The following MISP variants were observed in gnomAD, a reference collection of about 807,000 sequenced individuals.
The protein encoded by MISP is mitotic spindle positioning.
MISP carries 51 observed loss-of-function variants against 49.3 expected under a neutral mutation model. The observed-to-expected ratio is 1.03, with a 90% CI of 0.83 to 1.31. The LOEUF (loss-of-function observed/expected upper bound fraction) is 1.31. MISP is among the 50% of genes most tolerant of loss of function. The probability of loss-of-function intolerance (pLI) is 0.00; values close to 1 mark genes in which losing one functional copy is unlikely to be tolerated. For missense variants in MISP, 1,084 were observed against 935.1 expected (o/e 1.16, Z -2.08); for synonymous variants, 444 against 392.6 (o/e 1.13, Z -1.55).
In MISP at chr19:758,170, C is replaced by T. The variant is rs530131211; in HGVS notation, c.1224C>T (p.Ala408=). The part of the protein sequence containing the change: ...ILSPAPDARA[A]DPAPEVRKVN... ...GCCCGGCCCCAGATGCCCGTGCGGCCGACCCAGCTCCAGAAGTGAGGAAGG... is the reference window on the plus strand; with the variant it reads ...GCCCGGCCCCAGATGCCCGTGCGGCTGACCCAGCTCCAGAAGTGAGGAAGG... The change falls in exon 2 of 5, where the codon GCC becomes GCT. Residue 408 remains alanine, a synonymous_variant. Coordinates refer to ENST00000215582, the MANE Select transcript of MISP (RefSeq NM_173481.4). The T allele has an allele frequency of 2.1e-5, 34 of 1,612,554 alleles. No individual in the cohort carries two copies. Among genetic ancestry groups the T allele is most frequent in the African/African-American group, 1.9e-4 (14 of 74,988 alleles).
intron 1 of MISP, 110 bp from the exon 2 acceptor site, chr19:756,780 A>T (rs2033556403): frequency 1.6e-6 from 1 of 621,284 alleles, no homozygotes; most frequent in Non-Finnish European, 2.8e-6. Context: ...CCATCCCTAA[A>T]CCAATCACAA....
Position 763,608 on chromosome 19 carries a change from C to T in MISP, c.*18C>T, listed in dbSNP as rs759642688. 13 of 1,585,212 alleles carry T rather than the reference C, an allele frequency of 8.2e-6. No homozygotes were observed. The highest frequency in any genetic ancestry group is 1.0e-5 in the Non-Finnish European group (12 of 1,156,136). On this transcript the variant is annotated 3_prime_UTR_variant, in exon 5 of 5. Coordinates refer to ENST00000215582, the MANE Select transcript of MISP (RefSeq NM_173481.4). Reference sequence around the variant, plus strand: ...ATGACTGAGCCTCGGGATGGGGCGCCCACCCCCTGCCCTGCCCTGACCCTC... The same window carrying T: ...ATGACTGAGCCTCGGGATGGGGCGCTCACCCCCTGCCCTGCCCTGACCCTC...
Position 763,893 on chromosome 19 carries a change from A to G in MISP, c.*303A>G. On this transcript the variant is annotated 3_prime_UTR_variant, in exon 5 of 5. Transcript: ENST00000215582. ...AATGCCCTGGGTCTAAGAAAGAAAG[A>G]GACCCGCTCCTCCACTTTCAGGTGT... The G allele has an allele frequency of 2.8e-6, 1 of 351,796 alleles. No individual in the cohort carries two copies. 21.8% of individuals were successfully genotyped at this position (351,796 alleles called of 1,614,324 possible).
intron 1 of MISP, among the ~76,000 whole-genome samples, chr19:752,325 G>T (rs1307465684): frequency 6.6e-6 from 1 of 152,026 alleles, no homozygotes; most frequent in Non-Finnish European, 1.5e-5. Context: ...GGATCCAGGG[G>T]TTTTTTTGGC....
At chr19:755,325 CCACGGTGTTCCTTTGCCCATCCTG>C (rs2033532919) in intron 1 of MISP, among the ~76,000 whole-genome samples, 1 of 152,224 alleles carries the variant, frequency 6.6e-6, no homozygotes, top group Admixed American at 6.5e-5. Context: ...GGGACAAGGT[CCACGGTGTTCCTTTGCCCATCCTG>C]GCTTTATGGC....
upstream of MISP, among the ~76,000 whole-genome samples, chr19:749,351 G>A (rs550664828): frequency 4.6e-5 from 7 of 152,326 alleles, 1 homozygote; most frequent in Admixed American, 2.6e-4. Flanking sequence ...TTCCTGAGGC[G>A]CGATTTTAAG....
rs1156403519 is a variant in MISP at position 764,137 on chromosome 19, C to T, written c.*547C>T. The stretch of plus-strand genomic sequence containing the variant: ...CCAGTGCTGGGGGTCCCTGTGCAGC[C>T]CTCAAACCCTTCACCTTGGTGCACC... On this transcript the variant is annotated 3_prime_UTR_variant, in exon 5 of 5. Transcript: ENST00000215582. 1 of 152,944 alleles carries T rather than the reference C, an allele frequency of 6.5e-6. No homozygotes were observed. Among genetic ancestry groups the T allele is most frequent in the Non-Finnish European group, 1.5e-5 (1 of 68,616 alleles). The allele number at this position is 152,944 out of a possible 1,614,324, so 9.5% of individuals were successfully genotyped here. A position where few individuals can be genotyped will look rare whatever the true frequency, so the allele number is the denominator to read the frequency against.
rs375065737 is a variant in MISP at position 760,049 on chromosome 19, G to A, written c.1911+10G>A. On this transcript the variant is annotated intron_variant, in intron 3 of 4. Transcript: ENST00000215582. The stretch of plus-strand genomic sequence containing the variant: ...AAAGAAGGAGCAATGGGTGAGTCTG[G>A]AACCCGTCTCTGCAGAGGCCAGGCT... 1.5e-5 allele frequency: 25 copies of A among 1,613,294 alleles called. No individual in the cohort carries two copies. In the South Asian group the frequency reaches 2.2e-4, roughly 14 times the overall value.
chr19:763,711 C>T lies in MISP; in HGVS notation c.*121C>T. Reference sequence around the variant, plus strand: ...GGTCCAGGATCCAAGAACCACAGCTCATCTGCCAACAATCCCACCATGGGC... The same window carrying T: ...GGTCCAGGATCCAAGAACCACAGCTTATCTGCCAACAATCCCACCATGGGC... On this transcript the variant is annotated 3_prime_UTR_variant, in exon 5 of 5. Coordinates refer to ENST00000215582, the MANE Select transcript of MISP (RefSeq NM_173481.4). 1.5e-6 allele frequency: 1 copy of T among 675,184 alleles called. No individual in the cohort carries two copies. The highest frequency in any genetic ancestry group is 1.7e-5 in the South Asian group (1 of 59,654). 41.8% of individuals were successfully genotyped at this position (675,184 alleles called of 1,614,324 possible).
chr19:763,996 G>A lies in MISP; in HGVS notation c.*406G>A, dbSNP rs1181865144. 6.2e-6 allele frequency: 1 copy of A among 161,014 alleles called. No homozygotes were observed. Among genetic ancestry groups the A allele is most frequent in the Non-Finnish European group, 1.4e-5 (1 of 73,548 alleles). The allele number at this position is 161,014 out of a possible 1,614,324, so 10.0% of individuals were successfully genotyped here. A position where few individuals can be genotyped will look rare whatever the true frequency, so the allele number is the denominator to read the frequency against. ...AGATCGCAGCACCTTGAGGGGCTGC[G>A]GGTCTGAGGGAGGAGACACTCAGCT... is the stretch of plus-strand genomic sequence containing the variant. On this transcript the variant is annotated 3_prime_UTR_variant, in exon 5 of 5. Transcript: ENST00000215582.
chr19:760,730 G>A (rs963448049), intron 3 of MISP, among the ~76,000 whole-genome samples: 17 of 151,650 alleles, frequency 1.1e-4, no homozygotes, highest in African/African-American at 4.1e-4. Flanking sequence ...AGGGATGGAG[G>A]GAAGGAAGGA....
chr19:759,328 CATATATGTTT>C (rs1369407014), intron 2 of MISP, among the ~76,000 whole-genome samples: 5 of 149,442 alleles, frequency 3.3e-5, no homozygotes, highest in African/African-American at 1.2e-4. Context: ...CCGGCCTGTT[CATATATGTTT>C]ATCCTCTTGG....
Position 757,879 on chromosome 19 carries a change from G to C in MISP, c.933G>C (p.Arg311Ser), listed in dbSNP as rs760919840. The change falls in exon 2 of 5, where the codon AGG becomes AGC. Residue 311 changes from arginine (R) to serine (S), a missense_variant. Transcript: ENST00000215582. ...QEREADLREQ[R>S]GLRQATDHQE... ...GTGAGGCAGACCTGCGAGAGCAGAG[G>C]GGGCTTCGGCAGGCAACCGACCACC... The C allele has an allele frequency of 2.5e-6, 4 of 1,608,256 alleles. No homozygotes were observed. The highest frequency in any genetic ancestry group is 3.4e-6 in the Non-Finnish European group (4 of 1,179,754).
chr19:755,918 G>A (rs1444033485), intron 1 of MISP, among the ~76,000 whole-genome samples: 1 of 151,058 alleles, frequency 6.6e-6, no homozygotes, highest in Non-Finnish European at 1.5e-5. Flanking sequence ...GGGCAACAGA[G>A]CGAGACTCCA....
rs150162330 is a variant in MISP at position 754,758 on chromosome 19, G to A, written c.-57-2132G>A. Among the ~76,000 whole-genome samples the A allele has an allele frequency of 2.8e-3, 429 of 152,336 alleles. 8 individuals are homozygous for A. The East Asian group carries it at 0.034, about 12-fold the overall frequency. On this transcript the variant is annotated intron_variant, in intron 1 of 4. Coordinates refer to ENST00000215582, the MANE Select transcript of MISP (RefSeq NM_173481.4). ...GGAGGTGTCCATGGGCTTCAGCAGA[G>A]GAAGCCGTGGAGAAGCAGAAACAGG...
chr19:750,589 G>T (rs538485854), upstream of MISP, among the ~76,000 whole-genome samples: 6 of 152,090 alleles, frequency 3.9e-5, no homozygotes, highest in Non-Finnish European at 7.3e-5. Context: ...CCCACGTCCC[G>T]GAGGAGAAAA....
chr19:752,331 T>C (rs1408130807), intron 1 of MISP, among the ~76,000 whole-genome samples: 3 of 152,080 alleles, frequency 2.0e-5, no homozygotes, highest in Non-Finnish European at 2.9e-5. Flanking sequence ...AGGGGTTTTT[T>C]TGGCCGACAC....
At position 758,444 on chromosome 19, in the gene MISP, C is replaced by T. The variant is rs745340187; in HGVS notation, c.1498C>T (p.Arg500Trp). Residue 500 changes from arginine to tryptophan, a missense_variant, in exon 2 of 5, where the codon CGG becomes TGG. Arg to Trp is a moderately radical substitution (Grantham distance 101, BLOSUM62 -3). Transcript: ENST00000215582. ...GCPQANRGVV[R>W]WEYFRLRPLR... ...CCCGCAAGCCAACAGGGGTGTCGTG[C>T]GGTGGGAGTACTTCCGCCTGCGTCC... 59 of 1,614,170 alleles carry T rather than the reference C, an allele frequency of 3.7e-5. No homozygotes were observed. The East Asian group carries it at 4.9e-4, about 13-fold the overall frequency.
At chr19:751,405 CAG>C (rs2033457696) in intron 1 of MISP, among the ~76,000 whole-genome samples, 2 of 152,292 alleles carry the variant, frequency 1.3e-5, no homozygotes, top group South Asian at 4.1e-4. Context: ...ACTGGGAGAG[CAG>C]AGAGGCCCTT....
Sources: allele counts gnomAD v4.1 joint callset (sites outside exome capture counted in the v4.1 genomes callset), GRCh38; gene constraint gnomAD v4.1.1; transcripts MANE v1.5; gene names NCBI Gene and HGNC (gene_info 2026-07-23, HGNC 2026-07-21).